LDLRAD4: variants seen among roughly 807,000 people sequenced by gnomAD.
The protein encoded by LDLRAD4 is low density lipoprotein receptor class A domain containing 4.
LDLRAD4 carries 5 observed loss-of-function variants against 17.0 expected under a neutral mutation model. That is an observed-to-expected ratio of 0.29 (90% CI 0.15 to 0.62). The LOEUF (loss-of-function observed/expected upper bound fraction) is 0.62. LDLRAD4 is among the 20% of genes least tolerant of loss of function. The pLI is 0.84. For missense variants in LDLRAD4, 340 were observed against 424.7 expected (o/e 0.80, Z 1.75); for synonymous variants, 168 against 171.8 (o/e 0.98, Z 0.17).
At chr18:13,445,498 G>A (rs11080654) in intron 3 of LDLRAD4, among the ~76,000 whole-genome samples, 139,807 of 151,702 alleles carry the variant, frequency 0.92, 64,977 homozygotes, top group East Asian at 1. Flanking sequence ...TCTGTGGTGC[G>A]TTTGTGCATG....
chr18:13,483,605 C>A (rs1266195889), intron 3 of LDLRAD4, among the ~76,000 whole-genome samples: 1 of 152,202 alleles, frequency 6.6e-6, no homozygotes, highest in African/African-American at 2.4e-5. Flanking sequence ...AGGCTTCTGG[C>A]CCCTAGTCGG....
intron 3 of LDLRAD4, among the ~76,000 whole-genome samples, chr18:13,511,750 A>G (rs187878658): frequency 6.6e-5 from 10 of 152,292 alleles, no homozygotes; most frequent in African/African-American, 2.4e-4. Flanking sequence ...GAACAGCCCC[A>G]GCATTGGTTC....
chr18:13,223,447 C>T (rs1048523436), intron 1 of LDLRAD4, among the ~76,000 whole-genome samples: 1 of 152,118 alleles, frequency 6.6e-6, no homozygotes, highest in African/African-American at 2.4e-5. Flanking sequence ...GTGTGGCTTC[C>T]TGGTACACTG....
intron 2 of LDLRAD4, among the ~76,000 whole-genome samples, chr18:13,415,209 C>CT (rs2088764320): frequency 6.6e-6 from 1 of 152,156 alleles, no homozygotes; most frequent in Non-Finnish European, 1.5e-5. Context: ...GCTTATTCCT[C>CT]TTGAGTTTCC....
chr18:13,262,442 A>G (rs1287735338), intron 1 of LDLRAD4, among the ~76,000 whole-genome samples: 39 of 95,676 alleles, frequency 4.1e-4, no homozygotes, highest in African/African-American at 1.3e-3. Context: ...GTGCGTGGAA[A>G]CTGAGTCCCG....
At chr18:13,234,324 A>G (rs9952107) in intron 1 of LDLRAD4, among the ~76,000 whole-genome samples, 69,022 of 152,112 alleles carry the variant, frequency 0.45, 16,151 homozygotes, top group African/African-American at 0.56. Flanking sequence ...TGCGCACATT[A>G]GTCGCCTGGC....
At chr18:13,425,501 C>T (rs2089855833) in intron 2 of LDLRAD4, among the ~76,000 whole-genome samples, 1 of 152,148 alleles carries the variant, frequency 6.6e-6, no homozygotes. Context: ...AGCTGTCAGC[C>T]TACTGGGGCA....
chr18:13,408,770 C>T (rs545427354), intron 2 of LDLRAD4, among the ~76,000 whole-genome samples: 3 of 152,326 alleles, frequency 2.0e-5, no homozygotes, highest in Non-Finnish European at 2.9e-5. Flanking sequence ...GCTTATTAAT[C>T]GAGCTTCCTT....
At position 13,612,044 on chromosome 18, in the gene LDLRAD4, C is replaced by G. The variant is rs536448478; in HGVS notation, c.182-9073C>G. 2.6e-4 allele frequency: 260 copies of G among 985,544 alleles called. 5 individuals are homozygous for G. The South Asian group carries it at 0.01, about 38-fold the overall frequency. The allele number at this position is 985,544 out of a possible 1,614,324, so 61.0% of individuals were successfully genotyped here. A position where few individuals can be genotyped will look rare whatever the true frequency, so the allele number is the denominator to read the frequency against. On this transcript the variant is annotated intron_variant, in intron 3 of 5. Transcript: ENST00000359446. ...ACGCGAGCCTAACGTGAGCGTCCCG[C>G]CTGTCGCGTGTCCTGCCTTGGTAAG...
intron 1 of LDLRAD4, among the ~76,000 whole-genome samples, chr18:13,385,111 A>T (rs574396182): frequency 5.2e-4 from 79 of 152,322 alleles, no homozygotes; most frequent in Middle Eastern, 3.4e-3. Context: ...AACAGTGTAC[A>T]CGGGTTCCCT....
chr18:13,240,473 T>C (rs900725739), intron 1 of LDLRAD4: 1 of 152,296 alleles, frequency 6.6e-6, no homozygotes, highest in Admixed American at 6.5e-5. Flanking sequence ...TCAGCCTCCC[T>C]CGGCCTTGAG....
intron 3 of LDLRAD4, among the ~76,000 whole-genome samples, chr18:13,597,557 T>C (rs926160473): frequency 6.6e-6 from 1 of 152,050 alleles, no homozygotes; most frequent in South Asian, 2.1e-4. Flanking sequence ...CTAATGTGTA[T>C]GTTGGTGTGA....
intron 2 of LDLRAD4, among the ~76,000 whole-genome samples, chr18:13,431,065 A>G (rs907177146): frequency 6.6e-6 from 1 of 152,210 alleles, no homozygotes; most frequent in Non-Finnish European, 1.5e-5. Flanking sequence ...ATGGCTTTAG[A>G]GTTCTATAGA....
intron 1 of LDLRAD4, among the ~76,000 whole-genome samples, chr18:13,267,687 T>C (rs1165047510): frequency 1.3e-5 from 2 of 152,224 alleles, no homozygotes; most frequent in Admixed American, 6.5e-5. Flanking sequence ...TTTGCTTTTC[T>C]GGAAGGTTTC....
intron 1 of LDLRAD4, among the ~76,000 whole-genome samples, chr18:13,284,003 A>G (rs893712052): frequency 6.6e-6 from 1 of 152,166 alleles, no homozygotes; most frequent in African/African-American, 2.4e-5. Flanking sequence ...ATGGCACAGG[A>G]AAGGCCCTCA....
At chr18:13,247,672 G>A (rs767583072) in intron 1 of LDLRAD4, among the ~76,000 whole-genome samples, 6 of 152,082 alleles carry the variant, frequency 3.9e-5, no homozygotes, top group African/African-American at 7.2e-5. Context: ...CACCCTCCAC[G>A]CACGCACAGG....
intron 3 of LDLRAD4, among the ~76,000 whole-genome samples, chr18:13,523,736 C>T (rs1208346634): frequency 6.6e-6 from 1 of 152,140 alleles, no homozygotes; most frequent in East Asian, 1.9e-4. Context: ...TCTATGGGGA[C>T]CCCTTTGCCT....
intron 1 of LDLRAD4, among the ~76,000 whole-genome samples, chr18:13,322,391 C>T (rs2081304665): frequency 1.3e-5 from 2 of 150,938 alleles, no homozygotes; most frequent in African/African-American, 4.9e-5. Flanking sequence ...CCTCCACCTC[C>T]CGGGTTCAAG....
chr18:13,267,276 ACT>A lies in LDLRAD4; in HGVS notation c.-466-10826_-466-10825del, dbSNP rs202033855. ...AAAGTAATGTTTGGAACGTCTGGAA[ACT>A]CTACTTCTGATCACTGGTCAGTTTC... On this transcript the variant is annotated intron_variant, in intron 1 of 5. Coordinates refer to the LDLRAD4 transcript ENST00000399848. Among the ~76,000 whole-genome samples, 247 of 152,076 alleles carry A rather than the reference ACT, an allele frequency of 1.6e-3. 3 individuals carry two copies. The East Asian group carries it at 0.039, about 24-fold the overall frequency.
Sources: allele counts gnomAD v4.1 joint callset (sites outside exome capture counted in the v4.1 genomes callset), GRCh38; gene constraint gnomAD v4.1.1; transcripts MANE v1.5; gene names NCBI Gene and HGNC (gene_info 2026-07-23, HGNC 2026-07-21).